Variants in IL6ST observed in about 807,000 individuals in gnomAD.
IL6ST encodes the protein interleukin-6 receptor subunit beta.
In IL6ST, 24 loss-of-function variants were observed where a neutral mutation model predicts 91.3. The ratio of observed to expected loss-of-function variants is 0.26; its 90% CI spans 0.19 to 0.37. The LOEUF is 0.37. Among genes scored for constraint, IL6ST ranks in the 10% least tolerant of loss-of-function variants. IL6ST has a pLI of 1.00. For missense variants in IL6ST, 914 were observed against 1,078.5 expected (o/e 0.85, Z 2.14); for synonymous variants, 351 against 373.6 (o/e 0.94, Z 0.70).
chr5:55,964,413 G>A (rs760411690), intron 5 of IL6ST, 101 bp from the exon 6 acceptor site: 1 of 703,818 alleles, frequency 1.4e-6, no homozygotes, highest in Non-Finnish European at 2.3e-6. Flanking sequence ...CTAGATTGTT[G>A]TAGCAAACTT....
intron 11 of IL6ST, among the ~76,000 whole-genome samples, chr5:55,954,130 C>G (rs894796691): frequency 2.0e-5 from 3 of 152,184 alleles, no homozygotes; most frequent in African/African-American, 7.2e-5. Flanking sequence ...TAAGTCCAAA[C>G]AGCCTGTATT....
At chr5:55,966,130 T>C (rs1025786664) in intron 5 of IL6ST, among the ~76,000 whole-genome samples, 12 of 152,208 alleles carry the variant, frequency 7.9e-5, no homozygotes, top group African/African-American at 2.2e-4. Flanking sequence ...TACCATAGTT[T>C]TGTAATTTAT....
intron 7 of IL6ST, among the ~76,000 whole-genome samples, chr5:55,961,947 G>C (rs1158987256): frequency 1.3e-5 from 2 of 152,160 alleles, no homozygotes; most frequent in Non-Finnish European, 2.9e-5. Context: ...ACAAAGAGAA[G>C]GGTAGAGCGT....
rs1457559403 is a variant in IL6ST at position 55,941,812 on chromosome 5, A to C, written c.2027T>G (p.Phe676Cys). The C allele has an allele frequency of 1.2e-6, 2 of 1,609,108 alleles. No individual in the cohort carries two copies. Among genetic ancestry groups the C allele is most frequent in the Admixed American group, 1.7e-5 (1 of 59,266 alleles). Residue 676 changes from phenylalanine (F) to cysteine (C), a missense_variant, in exon 17 of 17, where the codon TTT (phenylalanine) becomes TGT (cysteine). Transcript: ENST00000381298. ...WSPHTPPRHN[F>C]NSKDQMYSDG... is the part of the protein sequence containing the mutation. ...TGAATACATTTGATCTTTTGAATTA[A>C]AATTGTGCTAAGGAAGAGAAAAAAT... is the stretch of plus-strand genomic sequence containing the variant.
intron 14 of IL6ST, among the ~76,000 whole-genome samples, chr5:55,948,364 G>GT (rs1344094181): frequency 6.6e-6 from 1 of 152,046 alleles, no homozygotes; most frequent in Non-Finnish European, 1.5e-5. Context: ...AGTAAAAAAT[G>GT]TATGAAAGTA....
At chr5:55,962,706 G>C (rs1672600662) in intron 7 of IL6ST, among the ~76,000 whole-genome samples, 1 of 151,490 alleles carries the variant, frequency 6.6e-6, no homozygotes, top group Admixed American at 6.6e-5. Context: ...GCTGATTTTG[G>C]TGGACTGCAG....
At chr5:55,943,304 C>A (rs1341034885) in intron 15 of IL6ST, among the ~76,000 whole-genome samples, 2 of 151,868 alleles carry the variant, frequency 1.3e-5, no homozygotes, top group African/African-American at 2.4e-5. Flanking sequence ...ACACAAATTA[C>A]CAAAACAGAT....
Position 55,936,960 on chromosome 5 carries a change from T to C in IL6ST, c.*4122A>G, listed in dbSNP as rs1348661016. On this transcript the variant is annotated 3_prime_UTR_variant, in exon 17 of 17. Coordinates refer to ENST00000381298, the MANE Select transcript of IL6ST (RefSeq NM_002184.4). ...GTCACTGCATTGTCCTACTAGCAAATTGCACATTTATTTTTAGAGTATATT... is the reference window on the plus strand; with the variant it reads ...GTCACTGCATTGTCCTACTAGCAAACTGCACATTTATTTTTAGAGTATATT... 3 of 200,826 alleles carry C rather than the reference T, an allele frequency of 1.5e-5. No individual in the cohort carries two copies. The highest frequency in any genetic ancestry group is 3.1e-5 in the Non-Finnish European group (3 of 97,382). 12.4% of individuals were successfully genotyped at this position (200,826 alleles called of 1,614,324 possible). A position where few individuals can be genotyped will look rare whatever the true frequency, so the allele number is the denominator to read the frequency against.
chr5:55,977,004 A>C (rs754992422), intron 2 of IL6ST, among the ~76,000 whole-genome samples: 1 of 152,200 alleles, frequency 6.6e-6, no homozygotes, highest in Non-Finnish European at 1.5e-5. Context: ...AATAAGACTT[A>C]TACTCAAATG....
At position 55,940,620 on chromosome 5, in the gene IL6ST, T is replaced by C. The variant is rs1397307529; in HGVS notation, c.*462A>G. The C allele has an allele frequency of 4.6e-6, 1 of 217,576 alleles. No individual in the cohort carries two copies. The highest frequency in any genetic ancestry group is 9.2e-6 in the Non-Finnish European group (1 of 108,220). 13.5% of individuals were successfully genotyped at this position (217,576 alleles called of 1,614,324 possible). On this transcript the variant is annotated 3_prime_UTR_variant, in exon 17 of 17. Coordinates refer to ENST00000381298, the MANE Select transcript of IL6ST (RefSeq NM_002184.4). ...TATGGCCTATGGACCTCTTTTTAAG[T>C]TATTTTAGCAGAAGTAGATGATGGT...
chr5:55,988,174 C>G (rs1754089503), intron 1 of IL6ST, among the ~76,000 whole-genome samples: 1 of 150,786 alleles, frequency 6.6e-6, no homozygotes, highest in Non-Finnish European at 1.5e-5. Context: ...TAATAAGCAT[C>G]TATAGGTTTA....
At chr5:55,968,508 C>T (rs1370350159) in intron 4 of IL6ST, 112 bp from the exon 5 acceptor site, 1 of 985,196 alleles carries the variant, frequency 1.0e-6, no homozygotes, top group South Asian at 1.5e-5. Context: ...AAATCAAACC[C>T]AAGCAAAAAG....
rs1222200039 is a variant in IL6ST, at chr5:55,994,160, C to G, written c.-104+624G>C. On this transcript the variant is annotated intron_variant, in intron 1 of 16. Transcript: ENST00000381298. ...GCTGTTCATCCACTGAAGAACAGAC[C>G]CTTGCTTCCTGCACTATCTTCAAAA... The G allele has an allele frequency of 3.3e-5, 5 of 150,498 alleles. No homozygotes were observed. The East Asian group carries it at 9.7e-4, about 29-fold the overall frequency. The allele number at this position is 150,498 out of a possible 1,614,324, so 9.3% of individuals were successfully genotyped here. A position where few individuals can be genotyped will look rare whatever the true frequency, so the allele number is the denominator to read the frequency against.
intron 15 of IL6ST, among the ~76,000 whole-genome samples, chr5:55,943,295 C>T (rs1277651006): frequency 6.6e-6 from 1 of 152,058 alleles, no homozygotes. Flanking sequence ...CCTTGAAAGA[C>T]ACAAATTACC....
intron 1 of IL6ST, among the ~76,000 whole-genome samples, chr5:55,983,664 T>G (rs1753790959): frequency 6.6e-6 from 1 of 152,212 alleles, no homozygotes; most frequent in Non-Finnish European, 1.5e-5. Context: ...ATAAAAATAT[T>G]TTTTAAATGT....
intron 5 of IL6ST, among the ~76,000 whole-genome samples, chr5:55,965,022 G>C (rs1299908261): frequency 6.6e-6 from 1 of 152,092 alleles, no homozygotes; most frequent in African/African-American, 2.4e-5. Context: ...ACTATTAATA[G>C]ATTTGACTTT....
Position 55,951,592 on chromosome 5 carries a change from T to C in IL6ST, c.1712A>G (p.Asp571Gly), listed in dbSNP as rs1441200107. 6.2e-7 allele frequency: 1 copy of C among 1,609,530 alleles called. No individual in the cohort carries two copies. The highest frequency in any genetic ancestry group is 8.5e-7 in the Non-Finnish European group (1 of 1,178,786). The change falls in exon 14 of 17, where the codon GAT becomes GGT. Residue 571 changes from aspartate to glycine, a missense_variant. Coordinates refer to ENST00000381298, the MANE Select transcript of IL6ST (RefSeq NM_002184.4). ...CAATGTATATTCTGTGTGGGAAGAA[T>C]CCACATTCACAGCTGGAAGAAATAA... is the stretch of plus-strand genomic sequence containing the variant. ...IIGNETAVNV[D>G]SSHTEYTLSS...
chr5:55,962,365 A>G (rs1752369585), intron 7 of IL6ST, among the ~76,000 whole-genome samples: 1 of 152,194 alleles, frequency 6.6e-6, no homozygotes, highest in African/African-American at 2.4e-5. Flanking sequence ...TTTGTGATAA[A>G]TGGAATCAAA....
intron 2 of IL6ST, among the ~76,000 whole-genome samples, chr5:55,979,484 CA>C (rs1443864347): frequency 1.3e-5 from 2 of 151,968 alleles, no homozygotes; most frequent in Non-Finnish European, 2.9e-5. Context: ...GTAAACAAAC[CA>C]AAAATTATCC....
Sources: gnomAD v4.1 joint callset for allele counts (sites outside exome capture counted in the v4.1 genomes callset) on GRCh38, gnomAD v4.1.1 for gene constraint, MANE v1.5 for transcripts, NCBI Gene and HGNC (gene_info 2026-07-23, HGNC 2026-07-21) for gene names.